WDR70: variants seen among roughly 807,000 people sequenced by gnomAD.
WDR70 encodes WD repeat domain 70.
WDR70 carries 53 observed loss-of-function variants against 88.6 expected under a neutral mutation model. The observed-to-expected ratio is 0.60, with a 90% CI of 0.48 to 0.75. The LOEUF (loss-of-function observed/expected upper bound fraction) is 0.75, where lower values mean the gene tolerates loss of function less well. Among genes scored for constraint, WDR70 ranks in the 30% least tolerant of loss-of-function variants. WDR70 has a pLI of 0.00. For synonymous variants in WDR70, 280 were observed against 270.0 expected (o/e 1.04, Z -0.36); for missense variants, 610 against 823.2 (o/e 0.74, Z 3.17).
chr5:37,567,168 G>A (rs1282404187), intron 9 of WDR70, among the ~76,000 whole-genome samples: 1 of 152,078 alleles, frequency 6.6e-6, no homozygotes, highest in Non-Finnish European at 1.5e-5. Context: ...AAGATACCTG[G>A]AGTCTGGATC....
chr5:37,676,596 C>T (rs372961671), intron 10 of WDR70, among the ~76,000 whole-genome samples: 4 of 151,856 alleles, frequency 2.6e-5, no homozygotes, highest in Middle Eastern at 3.4e-3. Context: ...ACTTGATCAT[C>T]GTGGATAAGC....
At position 37,517,812 on chromosome 5, in the gene WDR70, A is replaced by G. The variant is rs1297586908; in HGVS notation, c.917+1222A>G. 9.6e-5 allele frequency among the ~76,000 whole-genome samples: 14 copies of G among 146,016 alleles called. No homozygotes were observed. The East Asian group carries it at 2.8e-3, about 29-fold the overall frequency. ...ATCTCCTCCCTTCGTGTTACAAACA[A>G]TCCAGTTAAACTCTTTTAGTTATTT... On this transcript the variant is annotated intron_variant, in intron 9 of 17. Coordinates refer to ENST00000265107, the MANE Select transcript of WDR70 (RefSeq NM_018034.4).
At chr5:37,631,588 A>G (rs74903490) in intron 10 of WDR70, among the ~76,000 whole-genome samples, 2,011 of 152,308 alleles carry the variant, frequency 0.013, 47 homozygotes, top group African/African-American at 0.046. Context: ...GGATGAGTTA[A>G]CTAAGATTCA....
At chr5:37,596,625 C>T (rs559462453) in intron 9 of WDR70, among the ~76,000 whole-genome samples, 2 of 152,182 alleles carry the variant, frequency 1.3e-5, no homozygotes, top group Non-Finnish European at 2.9e-5. Context: ...TGGTCCTTGA[C>T]TCTGGAACCA....
chr5:37,449,887 T>C (rs1738615579), intron 7 of WDR70, among the ~76,000 whole-genome samples: 1 of 152,112 alleles, frequency 6.6e-6, no homozygotes, highest in Admixed American at 6.6e-5. Flanking sequence ...CCTAATGCTG[T>C]CCCTCCCATA....
At position 37,721,178 on chromosome 5, in the gene WDR70, T is replaced by C; in HGVS notation, c.1480T>C (p.Leu494=). The change falls in exon 14 of 18, where the codon TTG becomes CTG. Residue 494 remains leucine (L), a synonymous_variant. Transcript: ENST00000265107. The part of the protein sequence containing the change: ...NQIMVGTGNG[L]AKVYYDPNKS... ...GATCATGGTTGGAACTGGAAATGGA[T>C]TGGCTAAAGTCTATTACGACCCCAA... The C allele has an allele frequency of 6.2e-7, 1 of 1,613,758 alleles. No homozygotes were observed. The highest frequency in any genetic ancestry group is 2.2e-5 in the East Asian group (1 of 44,872).
At chr5:37,623,545 A>T in intron 10 of WDR70, among the ~76,000 whole-genome samples, 1 of 152,284 alleles carries the variant, frequency 6.6e-6, no homozygotes, top group South Asian at 2.1e-4. Flanking sequence ...TTTTATTCTA[A>T]AAGTTATCTG....
At chr5:37,479,342 G>GTGGT (rs934661386) in intron 7 of WDR70, 3 of 145,800 alleles carry the variant, frequency 2.1e-5, no homozygotes, top group African/African-American at 7.5e-5. Flanking sequence ...AGAATAGCCA[G>GTGGT]TGGTTGGTTG....
rs1196961209 is a variant in WDR70, at chr5:37,416,071, C to T, written c.492+19501C>T. Among the ~76,000 whole-genome samples the T allele has an allele frequency of 2.0e-4, 30 of 152,046 alleles. 1 individual carries two copies. The highest frequency in any genetic ancestry group is 1.3e-3 in the Admixed American group (20 of 15,274). On this transcript the variant is annotated intron_variant, in intron 5 of 17. Transcript: ENST00000265107. ...GGCTCCTCACATCCCAGACGATGGG[C>T]GGCCAGGCAGAGACGCTCCTCACTT...
At chr5:37,745,129 A>G (rs1748599180) in intron 17 of WDR70, among the ~76,000 whole-genome samples, 1 of 152,166 alleles carries the variant, frequency 6.6e-6, no homozygotes, top group African/African-American at 2.4e-5. Context: ...CAACATTCTT[A>G]AAGGAAAGAA....
At chr5:37,529,329 T>C (rs1195995021) in intron 9 of WDR70, among the ~76,000 whole-genome samples, 3 of 152,124 alleles carry the variant, frequency 2.0e-5, no homozygotes, top group Non-Finnish European at 4.4e-5. Context: ...CCTATGAATT[T>C]TGAGGTTGTT....
intron 10 of WDR70, among the ~76,000 whole-genome samples, chr5:37,643,120 G>A (rs1373150231): frequency 6.6e-6 from 1 of 152,088 alleles, no homozygotes; most frequent in Non-Finnish European, 1.5e-5. Context: ...TATAATTTGA[G>A]ATCTTAGACT....
intron 8 of WDR70, among the ~76,000 whole-genome samples, chr5:37,505,025 AT>A (rs983255085): frequency 5.3e-5 from 8 of 152,192 alleles, no homozygotes; most frequent in African/African-American, 1.9e-4. Context: ...GTGCTGACTG[AT>A]TGGTATTACA....
chr5:37,567,590 T>C (rs1742779672), intron 9 of WDR70, among the ~76,000 whole-genome samples: 1 of 152,156 alleles, frequency 6.6e-6, no homozygotes, highest in Non-Finnish European at 1.5e-5. Context: ...CTGTGTCTCA[T>C]GGGCTTTTTC....
intron 10 of WDR70, among the ~76,000 whole-genome samples, chr5:37,630,882 A>T (rs1199460892): frequency 1.3e-5 from 2 of 152,138 alleles, no homozygotes; most frequent in Admixed American, 1.3e-4. Flanking sequence ...TGTGCTCCTA[A>T]TCTGGAGCAG....
Position 37,484,437 on chromosome 5 carries a change from C to T in WDR70, c.840+4450C>T, listed in dbSNP as rs555700574. ...AGGCGTGGCGGCGCGCGCCTGCAAT[C>T]GCAGGCACTCGGCAGGCTGAGGCAG... is the stretch of plus-strand genomic sequence containing the variant. On this transcript the variant is annotated intron_variant, in intron 8 of 17. Coordinates refer to ENST00000265107, the MANE Select transcript of WDR70 (RefSeq NM_018034.4). Among the ~76,000 whole-genome samples the T allele has an allele frequency of 1.5e-3, 225 of 152,272 alleles. 1 individual carries two copies. The highest frequency in any genetic ancestry group is 4.6e-3 in the African/African-American group (193 of 41,566).
intron 5 of WDR70, among the ~76,000 whole-genome samples, chr5:37,432,270 A>G (rs1581273485): frequency 6.6e-6 from 1 of 152,294 alleles, no homozygotes; most frequent in African/African-American, 2.4e-5. Context: ...GTGAAGTGAT[A>G]TTTCATTGTG....
chr5:37,700,773 C>T (rs1355510912), intron 11 of WDR70, among the ~76,000 whole-genome samples: 2 of 152,174 alleles, frequency 1.3e-5, no homozygotes, highest in Non-Finnish European at 2.9e-5. Context: ...CTTGCAGATG[C>T]TACATCTATC....
At chr5:37,751,241 A>G (rs1748798968) in intron 17 of WDR70, among the ~76,000 whole-genome samples, 1 of 152,254 alleles carries the variant, frequency 6.6e-6, no homozygotes, top group Non-Finnish European at 1.5e-5. Flanking sequence ...CCAGTTAGGA[A>G]TTCAGCAACT....
Sources: allele counts gnomAD v4.1 joint callset (sites outside exome capture counted in the v4.1 genomes callset), GRCh38; gene constraint gnomAD v4.1.1; transcripts MANE v1.5; gene names NCBI Gene and HGNC (gene_info 2026-07-23, HGNC 2026-07-21).